Variants in CLIC6 observed in about 807,000 individuals in gnomAD.
CLIC6 encodes chloride intracellular channel protein 6.
Under a neutral mutation model 49.2 loss-of-function variants are expected in CLIC6, and 39 were observed. The ratio of observed to expected loss-of-function variants is 0.79; its 90% CI spans 0.61 to 1.04. CLIC6 has a LOEUF of 1.04. Ranked by LOEUF, CLIC6 falls within the 50% of genes least tolerant of loss-of-function variation. The pLI is 0.00. For synonymous variants in CLIC6, 446 were observed against 433.4 expected, an observed-to-expected ratio of 1.03 and a Z score of -0.36; for missense variants, 988 against 993.1, an observed-to-expected ratio of 0.99 and a Z score of 0.07.
intron 1 of CLIC6, among the ~76,000 whole-genome samples, chr21:34,684,006 T>C (rs1336036543): frequency 6.6e-6 from 1 of 152,226 alleles, no homozygotes; most frequent in Non-Finnish European, 1.5e-5. Context: ...TTGTGGATTT[T>C]ATCCCTCAAC....
chr21:34,688,137 A>G (rs559587569), intron 1 of CLIC6, among the ~76,000 whole-genome samples: 37 of 152,356 alleles, frequency 2.4e-4, no homozygotes, highest in African/African-American at 8.9e-4. Flanking sequence ...TAGACTTACA[A>G]GAAGTGTGAT....
chr21:34,669,769 G>A lies in CLIC6; in HGVS notation c.381G>A (p.Arg127=). ...AQGEPRGEAQ[R]EPEDSAAPER... ...GCGAGCCCCGCGGGGAGGCTCAGAGGGAGCCCGAGGACTCTGCGGCCCCCG... is the reference window on the plus strand; with the variant it reads ...GCGAGCCCCGCGGGGAGGCTCAGAGAGAGCCCGAGGACTCTGCGGCCCCCG... The change falls in exon 1 of 6, where the codon AGG becomes AGA. Residue 127 remains arginine (R), a synonymous_variant. Coordinates refer to ENST00000349499, the MANE Select transcript of CLIC6 (RefSeq NM_053277.3). The A allele has an allele frequency of 7.1e-7, 1 of 1,415,770 alleles. No homozygotes were observed. The highest frequency in any genetic ancestry group is 9.1e-7 in the Non-Finnish European group (1 of 1,095,756). 87.7% of individuals were successfully genotyped at this position (1,415,770 alleles called of 1,614,324 possible).
At chr21:34,706,453 A>G (rs1205018737) in intron 1 of CLIC6, among the ~76,000 whole-genome samples, 1 of 152,188 alleles carries the variant, frequency 6.6e-6, no homozygotes, top group Non-Finnish European at 1.5e-5. Flanking sequence ...GGACAAATAT[A>G]CAAACCATAT....
intron 1 of CLIC6, among the ~76,000 whole-genome samples, chr21:34,679,069 T>C (rs940211545): frequency 2.6e-5 from 4 of 152,256 alleles, no homozygotes; most frequent in Non-Finnish European, 4.4e-5. Flanking sequence ...GTTGCTTAGA[T>C]GGGATTTTTG....
At chr21:34,692,112 T>C (rs961770123) in intron 1 of CLIC6, among the ~76,000 whole-genome samples, 1 of 152,234 alleles carries the variant, frequency 6.6e-6, no homozygotes, top group African/African-American at 2.4e-5. Flanking sequence ...CTTTACAAAA[T>C]GTAATTTATT....
At chr21:34,702,329 C>A (rs923594211) in intron 1 of CLIC6, among the ~76,000 whole-genome samples, 12 of 152,162 alleles carry the variant, frequency 7.9e-5, no homozygotes, top group African/African-American at 2.9e-4. Context: ...TGGGTCCTGT[C>A]TTGATCCAAA....
intron 1 of CLIC6, among the ~76,000 whole-genome samples, chr21:34,700,912 C>G (rs1000276601): frequency 7.2e-6 from 1 of 139,444 alleles, no homozygotes; most frequent in East Asian, 2.0e-4. Context: ...TTGTCTGGCT[C>G]CTAGATACGA....
intron 5 of CLIC6, among the ~76,000 whole-genome samples, chr21:34,712,081 T>C (rs2056060476): frequency 6.6e-6 from 1 of 152,266 alleles, no homozygotes; most frequent in East Asian, 1.9e-4. Flanking sequence ...ATTTTAAATT[T>C]CAGTAGAAAG....
At position 34,708,772 on chromosome 21, in the gene CLIC6, G is replaced by C. The variant is rs149133306; in HGVS notation, c.1683G>C (p.Ala561=). 431 of 1,613,970 alleles carry C rather than the reference G, an allele frequency of 2.7e-4. 3 individuals carry two copies. The African/African-American group carries it at 5.2e-3, about 20-fold the overall frequency. Residue 561 remains alanine (A), a synonymous_variant, in exon 4 of 6, where the codon GCG becomes GCC. Transcript: ENST00000349499. ...ATGACGTGTTTGCCAAATTCTCAGC[G>C]TTTATAAAAAACACGAAGAAGGATG... ...AGNDVFAKFS[A]FIKNTKKDAN...
chr21:34,693,574 C>A (rs1381554413), intron 1 of CLIC6, among the ~76,000 whole-genome samples: 1 of 152,166 alleles, frequency 6.6e-6, no homozygotes, highest in Non-Finnish European at 1.5e-5. Flanking sequence ...GGTCTGTGCC[C>A]TGTTAGATTT....
chr21:34,689,948 C>A (rs1245367049), intron 1 of CLIC6, among the ~76,000 whole-genome samples: 2 of 152,174 alleles, frequency 1.3e-5, no homozygotes, highest in African/African-American at 4.8e-5. Flanking sequence ...TTCTCTTTTC[C>A]TTTTAGGAGC....
chr21:34,691,771 C>T (rs1990000042), intron 1 of CLIC6, among the ~76,000 whole-genome samples: 2 of 152,130 alleles, frequency 1.3e-5, no homozygotes, highest in Non-Finnish European at 1.5e-5. Context: ...CATTTGCGTG[C>T]TTTTTTTGTT....
At chr21:34,694,106 G>A (rs1443938823) in intron 1 of CLIC6, among the ~76,000 whole-genome samples, 3 of 149,954 alleles carry the variant, frequency 2.0e-5, no homozygotes, top group Non-Finnish European at 4.4e-5. Flanking sequence ...CCAAGTAGCT[G>A]GGGACTACAG....
intron 3 of CLIC6, 48 bp from the exon 4 acceptor site, chr21:34,708,652 C>A: frequency 7.8e-7 from 1 of 1,287,454 alleles, no homozygotes; most frequent in Non-Finnish European, 1.1e-6. Flanking sequence ...GTATTATCTT[C>A]ACTAAAACAT....
Position 34,670,146 on chromosome 21 carries a change from G to C in CLIC6, c.758G>C (p.Gly253Ala). 7.5e-7 allele frequency: 1 copy of C among 1,334,110 alleles called. No individual in the cohort carries two copies. Among genetic ancestry groups the C allele is most frequent in the Non-Finnish European group, 9.5e-7 (1 of 1,047,336 alleles). 82.6% of individuals were successfully genotyped at this position (1,334,110 alleles called of 1,614,324 possible). Reference protein sequence around the residue: ...EGRVGDSVEAGDPAGDGVEAG... With the variant: ...EGRVGDSVEAADPAGDGVEAG... ...CGGGTGGGGGACAGCGTAGAGGCGG[G>C]GGACCCGGCGGGGGACGGCGTAGAA... The change falls in exon 1 of 6, where the codon GGG becomes GCG. Residue 253 changes from glycine to alanine, a missense_variant. By Grantham distance (60) the Gly-to-Ala change is moderately conservative. Around this residue, in one of 3 missense-constraint regions of CLIC6, gnomAD observed 647 missense variants for 596.9 expected, o/e 1.08. Coordinates refer to ENST00000349499, the MANE Select transcript of CLIC6 (RefSeq NM_053277.3).
intron 1 of CLIC6, among the ~76,000 whole-genome samples, chr21:34,687,122 T>C (rs2145804907): frequency 6.6e-6 from 1 of 152,106 alleles, no homozygotes; most frequent in Non-Finnish European, 1.5e-5. Context: ...GAAATCTGAG[T>C]GGGTGAAAAG....
At chr21:34,676,282 C>G (rs1243818883) in intron 1 of CLIC6, among the ~76,000 whole-genome samples, 1 of 1,990 alleles carries the variant, frequency 5.0e-4, no homozygotes, top group African/African-American at 2.6e-3. Flanking sequence ...ACACTCCAAT[C>G]CATGCTTGAG....
chr21:34,676,636 A>G (rs868080013), intron 1 of CLIC6, among the ~76,000 whole-genome samples: 4 of 152,138 alleles, frequency 2.6e-5, no homozygotes, highest in Middle Eastern at 3.2e-3. Context: ...GATGAGCAGC[A>G]GGCCATAGGA....
intron 1 of CLIC6, among the ~76,000 whole-genome samples, chr21:34,691,893 G>A (rs895282848): frequency 3.3e-5 from 5 of 152,170 alleles, no homozygotes; most frequent in African/African-American, 9.7e-5. Context: ...TTCAATGAAC[G>A]TGTCATCCAT....
Sources: gnomAD v4.1 joint callset for allele counts (sites outside exome capture counted in the v4.1 genomes callset) on GRCh38, gnomAD v4.1.1 for gene constraint, gnomAD v4.1.1 regional missense constraint, MANE v1.5 for transcripts, NCBI Gene and HGNC (gene_info 2026-07-23, HGNC 2026-07-21) for gene names.